Variants in AMPH observed in about 807,000 individuals in gnomAD.
The protein encoded by AMPH is amphiphysin, also known as amphiphysin (Stiff-Mann syndrome with breast cancer 128kD autoantigen).
Under a neutral mutation model 99.1 loss-of-function variants are expected in AMPH, and 49 were observed. The observed-to-expected ratio is 0.49, with a 90% CI of 0.39 to 0.63. The LOEUF is 0.63. Ranked by LOEUF, AMPH falls within the 20% of genes least tolerant of loss-of-function variation. The probability of loss-of-function intolerance (pLI) is 0.00; values close to 1 mark genes in which losing one functional copy is unlikely to be tolerated. For synonymous variants in AMPH, 314 were observed against 317.3 expected (o/e 0.99, Z 0.11); for missense variants, 759 against 863.4 (o/e 0.88, Z 1.52).
chr7:38,448,608 A>C (rs1234140152), intron 11 of AMPH, among the ~76,000 whole-genome samples: 3 of 152,170 alleles, frequency 2.0e-5, no homozygotes, highest in Non-Finnish European at 4.4e-5. Context: ...CTCTCTCCAA[A>C]TATCTTACTG....
intron 1 of AMPH, among the ~76,000 whole-genome samples, chr7:38,560,767 A>G (rs1460404395): frequency 1.3e-5 from 2 of 152,212 alleles, no homozygotes; most frequent in Non-Finnish European, 2.9e-5. Flanking sequence ...TCCCAAGGCT[A>G]GCTGCAGCAC....
chr7:38,541,482 T>G (rs1264240046), intron 1 of AMPH, among the ~76,000 whole-genome samples: 1 of 152,196 alleles, frequency 6.6e-6, no homozygotes, highest in African/African-American at 2.4e-5. Context: ...TCATGGGCCT[T>G]TAAGGTCCTC....
chr7:38,587,812 A>T (rs1792709293), intron 1 of AMPH, among the ~76,000 whole-genome samples: 1 of 152,000 alleles, frequency 6.6e-6, no homozygotes, highest in Non-Finnish European at 1.5e-5. Context: ...CTCTAACCCT[A>T]ACCTACAGTA....
intron 1 of AMPH, among the ~76,000 whole-genome samples, chr7:38,560,678 T>A (rs555897492): frequency 2.2e-4 from 34 of 152,302 alleles, no homozygotes; most frequent in African/African-American, 7.9e-4. Context: ...ACAATGCATG[T>A]TTGTTTGTTT....
intron 11 of AMPH, among the ~76,000 whole-genome samples, chr7:38,461,061 A>T (rs1438923966): frequency 6.6e-6 from 1 of 152,202 alleles, no homozygotes; most frequent in South Asian, 2.1e-4. Flanking sequence ...CCAATTTTCT[A>T]TAAGTATATA....
At chr7:38,392,901 G>A (rs997364825) in intron 18 of AMPH, among the ~76,000 whole-genome samples, 10 of 152,188 alleles carry the variant, frequency 6.6e-5, no homozygotes, top group African/African-American at 2.4e-4. Context: ...CCGCTGGAGG[G>A]ACCACACCTC....
intron 2 of AMPH, among the ~76,000 whole-genome samples, chr7:38,514,438 C>A (rs1157199165): frequency 6.6e-6 from 1 of 152,200 alleles, no homozygotes; most frequent in African/African-American, 2.4e-5. Flanking sequence ...AGAACTCCTG[C>A]AGAAATTTAC....
At chr7:38,548,586 T>C (rs1215681154) in intron 1 of AMPH, among the ~76,000 whole-genome samples, 1 of 151,992 alleles carries the variant, frequency 6.6e-6, no homozygotes, top group Non-Finnish European at 1.5e-5. Flanking sequence ...GAAATCAAGG[T>C]TATGAACACA....
rs1025404791 is a variant in AMPH at position 38,384,088 on chromosome 7, A to C, written c.*730T>G. ...CTCATCCTGAAAACTGCACAGTACAAACACAGATACTGTTGACTCTTTTGC... is the reference window on the plus strand; with the variant it reads ...CTCATCCTGAAAACTGCACAGTACACACACAGATACTGTTGACTCTTTTGC... On this transcript the variant is annotated 3_prime_UTR_variant, in exon 21 of 21. Coordinates refer to ENST00000356264, the MANE Select transcript of AMPH (RefSeq NM_001635.4). 6.6e-6 allele frequency: 1 copy of C among 152,362 alleles called. No individual in the cohort carries two copies. The highest frequency in any genetic ancestry group is 1.5e-5 in the Non-Finnish European group (1 of 68,112). The allele number at this position is 152,362 out of a possible 1,614,324, so 9.4% of individuals were successfully genotyped here.
intron 3 of AMPH, among the ~76,000 whole-genome samples, chr7:38,500,665 A>G (rs923074291): frequency 3.3e-5 from 5 of 152,222 alleles, no homozygotes; most frequent in Non-Finnish European, 1.5e-5. Context: ...AAAAAAATCA[A>G]CTAACCCAGA....
intron 1 of AMPH, among the ~76,000 whole-genome samples, chr7:38,601,923 C>A (rs1793259333): frequency 6.6e-6 from 1 of 152,202 alleles, no homozygotes; most frequent in Admixed American, 6.5e-5. Context: ...CAGAAAACTA[C>A]CGAAGGCCTG....
chr7:38,393,647 T>TTC (rs112486775), intron 18 of AMPH, among the ~76,000 whole-genome samples: 59,888 of 146,792 alleles, frequency 0.41, 11,884 homozygotes, highest in Admixed American at 0.46. Context: ...TACTATTGAG[T>TTC]TCTCCCTGGG....
intron 17 of AMPH, among the ~76,000 whole-genome samples, chr7:38,399,974 C>T (rs891470218): frequency 6.6e-6 from 1 of 152,188 alleles, no homozygotes; most frequent in Non-Finnish European, 1.5e-5. Context: ...ATTGCTAAAC[C>T]GCCTGTCCAT....
At chr7:38,579,796 T>A (rs1400470680) in intron 1 of AMPH, among the ~76,000 whole-genome samples, 1 of 152,208 alleles carries the variant, frequency 6.6e-6, no homozygotes, top group Non-Finnish European at 1.5e-5. Flanking sequence ...TCTGAAGTAT[T>A]GATGTTAATC....
intron 1 of AMPH, among the ~76,000 whole-genome samples, chr7:38,616,995 A>G (rs1308612099): frequency 2.6e-5 from 4 of 152,248 alleles, no homozygotes; most frequent in Non-Finnish European, 5.9e-5. Context: ...TAGATAATGT[A>G]GATGTAGATA....
Position 38,566,531 on chromosome 7 carries a change from GC to G in AMPH, c.70-31521del, listed in dbSNP as rs199658212. 1.1e-3 allele frequency among the ~76,000 whole-genome samples: 166 copies of G among 152,208 alleles called. 2 individuals are homozygous for G. The East Asian group carries it at 0.028, about 26-fold the overall frequency. Reference sequence around the variant, plus strand: ...AACACAAAAAGCAATGGCAACAAAAGCCAAAATAGACAAATGGGATCTAATT... The same window carrying G: ...AACACAAAAAGCAATGGCAACAAAAGCAAAATAGACAAATGGGATCTAATT... On this transcript the variant is annotated intron_variant, in intron 1 of 20. Coordinates refer to ENST00000356264, the MANE Select transcript of AMPH (RefSeq NM_001635.4).
chr7:38,400,276 C>T (rs376521808), intron 17 of AMPH, among the ~76,000 whole-genome samples: 35 of 152,154 alleles, frequency 2.3e-4, no homozygotes, highest in African/African-American at 8.4e-4. Flanking sequence ...CAGGGTTTCA[C>T]CATGTTGGCC....
intron 1 of AMPH, among the ~76,000 whole-genome samples, chr7:38,598,247 G>GT (rs1336107260): frequency 2.0e-5 from 3 of 151,992 alleles, no homozygotes; most frequent in East Asian, 3.8e-4. Flanking sequence ...TGTTCGCAAT[G>GT]TTTTTTGTTG....
At chr7:38,476,403 G>A (rs763197547) in intron 6 of AMPH, among the ~76,000 whole-genome samples, 11 of 152,066 alleles carry the variant, frequency 7.2e-5, no homozygotes, top group Non-Finnish European at 1.3e-4. Context: ...TCAGTTAGTC[G>A]GCATCTGTAA....
Sources: gnomAD v4.1 joint callset for allele counts (sites outside exome capture counted in the v4.1 genomes callset) on GRCh38, gnomAD v4.1.1 for gene constraint, MANE v1.5 for transcripts, NCBI Gene and HGNC (gene_info 2026-07-23, HGNC 2026-07-21) for gene names.